The following SRGAP2C variants were observed in gnomAD, a reference collection of about 807,000 sequenced individuals.
SRGAP2C encodes SLIT-ROBO Rho GTPase activating protein 2C.
Under a neutral mutation model 25.1 loss-of-function variants are expected in SRGAP2C, and 15 were observed. The ratio of observed to expected loss-of-function variants is 0.60; its 90% CI spans 0.40 to 0.92. The LOEUF is 0.92. SRGAP2C is among the 40% of genes least tolerant of loss of function. The pLI, the probability that SRGAP2C is intolerant of heterozygous loss-of-function variation, is 0.00. For missense variants in SRGAP2C, 144 were observed against 264.4 expected, an observed-to-expected ratio of 0.54 and a Z score of 3.16; for synonymous variants, 44 against 96.6, an observed-to-expected ratio of 0.46 and a Z score of 3.19.
In SRGAP2C at chr1:121,354,969, G is replaced by A. The variant is rs1164042504; in HGVS notation, c.424-10324G>A. On this transcript the variant is annotated intron_variant, in intron 4 of 9. Coordinates refer to ENST00000367123, the MANE Select transcript of SRGAP2C (RefSeq NM_001329984.2). ...GGGGAATCACTTGAACCCAGGAGGC[G>A]GAGGTTGCAGTGAGCCGAGATGGCG... Among the ~76,000 whole-genome samples the A allele has an allele frequency of 2.3e-4, 12 of 51,526 alleles. 1 individual carries two copies. Among genetic ancestry groups the A allele is most frequent in the Middle Eastern group, 0.011 (2 of 180 alleles). The allele number at this position is 51,526 out of a possible 152,430, so 33.8% of individuals were successfully genotyped here. A position where few individuals can be genotyped will look rare whatever the true frequency, so the allele number is the denominator to read the frequency against.
intron 2 of SRGAP2C, among the ~76,000 whole-genome samples, chr1:121,278,021 G>A (rs1180652745): frequency 3.4e-5 from 5 of 148,938 alleles, no homozygotes; most frequent in East Asian, 4.0e-4. Flanking sequence ...GCTCACTGTG[G>A]CCTTGACCTC....
At chr1:121,314,447 A>T (rs1658047260) in intron 3 of SRGAP2C, among the ~76,000 whole-genome samples, 1 of 152,218 alleles carries the variant, frequency 6.6e-6, no homozygotes, top group South Asian at 2.1e-4. Flanking sequence ...TTCTCCATCC[A>T]TCTTTGTTCC....
At chr1:121,335,340 CAAAAAATAAATA>C (rs1658488304) in intron 4 of SRGAP2C, among the ~76,000 whole-genome samples, 9 of 118,642 alleles carry the variant, frequency 7.6e-5, no homozygotes, top group African/African-American at 3.0e-4. Flanking sequence ...GACTCCATCT[CAAAAAATAAATA>C]AATAAATAAA....
At chr1:121,207,362 G>A (rs1327257581) in intron 2 of SRGAP2C, among the ~76,000 whole-genome samples, 5 of 151,310 alleles carry the variant, frequency 3.3e-5, no homozygotes, top group Non-Finnish European at 7.4e-5. Flanking sequence ...TTGGTTGGAG[G>A]CCCCTTATGA....
At chr1:121,225,829 C>G (rs1206835181) in intron 2 of SRGAP2C, among the ~76,000 whole-genome samples, 1 of 143,488 alleles carries the variant, frequency 7.0e-6, no homozygotes, top group African/African-American at 2.6e-5. Context: ...CTCAGCCTCC[C>G]GAGTAGCTGG....
intron 3 of SRGAP2C, among the ~76,000 whole-genome samples, chr1:121,297,593 A>C (rs1214896312): frequency 6.6e-6 from 1 of 151,242 alleles, no homozygotes; most frequent in Non-Finnish European, 1.5e-5. Flanking sequence ...ATGCTCAATA[A>C]ATGGTAGCTG....
rs374174075 is a variant in SRGAP2C, at chr1:121,391,578, G to A, written c.*3723G>A. The A allele has an allele frequency of 6.8e-6, 1 of 146,940 alleles. No individual in the cohort carries two copies. The highest frequency in any genetic ancestry group is 1.5e-5 in the Non-Finnish European group (1 of 66,164). 9.1% of individuals were successfully genotyped at this position (146,940 alleles called of 1,614,324 possible). A position where few individuals can be genotyped will look rare whatever the true frequency, so the allele number is the denominator to read the frequency against. ...CTGTCAAAACATTAGCTTAACATTTGTTAAGGAAACAAAAAGACTTCGGTG... is the reference window on the plus strand; with the variant it reads ...CTGTCAAAACATTAGCTTAACATTTATTAAGGAAACAAAAAGACTTCGGTG... On this transcript the variant is annotated 3_prime_UTR_variant, in exon 10 of 10. Coordinates refer to ENST00000367123, the MANE Select transcript of SRGAP2C (RefSeq NM_001329984.2).
At chr1:121,297,556 C>T (rs1657623080) in intron 3 of SRGAP2C, among the ~76,000 whole-genome samples, 1 of 148,868 alleles carries the variant, frequency 6.7e-6, no homozygotes, top group Admixed American at 6.8e-5. Flanking sequence ...GTATATACAG[C>T]ACTAGCTAAT....
chr1:121,322,994 G>T (rs1265315193), intron 3 of SRGAP2C, among the ~76,000 whole-genome samples: 1 of 151,644 alleles, frequency 6.6e-6, no homozygotes, highest in African/African-American at 2.4e-5. Flanking sequence ...TGCAGTTATA[G>T]GCTTGGTTTG....
chr1:121,308,769 T>C (rs1164115291), intron 3 of SRGAP2C, among the ~76,000 whole-genome samples: 1 of 148,024 alleles, frequency 6.8e-6, no homozygotes, highest in African/African-American at 2.5e-5. Flanking sequence ...AGAAACCCTG[T>C]CTCTACTAAA....
At chr1:121,327,943 C>T (rs1658350241) in intron 4 of SRGAP2C, among the ~76,000 whole-genome samples, 2 of 152,230 alleles carry the variant, frequency 1.3e-5, no homozygotes, top group African/African-American at 2.4e-5. Flanking sequence ...ATGTGATCTC[C>T]ATGGTGCCTT....
At chr1:121,354,505 C>T (rs1659016460) in intron 4 of SRGAP2C, among the ~76,000 whole-genome samples, 1 of 141,356 alleles carries the variant, frequency 7.1e-6, no homozygotes, top group African/African-American at 2.6e-5. Context: ...TCAAGCAGTT[C>T]TCCCGCCTCA....
intron 4 of SRGAP2C, among the ~76,000 whole-genome samples, chr1:121,329,963 T>C (rs1172400657): frequency 6.6e-6 from 1 of 150,842 alleles, no homozygotes; most frequent in Non-Finnish European, 1.5e-5. Context: ...GCAAATATTA[T>C]TGCTGCCACC....
chr1:121,280,044 C>T (rs1657205844), intron 2 of SRGAP2C, among the ~76,000 whole-genome samples: 1 of 151,386 alleles, frequency 6.6e-6, no homozygotes, highest in African/African-American at 2.4e-5. Context: ...AATTCACATA[C>T]TGTAAAATTC....
intron 3 of SRGAP2C, among the ~76,000 whole-genome samples, chr1:121,305,056 C>G (rs1230348076): frequency 6.6e-6 from 1 of 150,510 alleles, no homozygotes; most frequent in African/African-American, 2.4e-5. Context: ...ACAAACCAAC[C>G]ATTTTCCCCT....
intron 2 of SRGAP2C, among the ~76,000 whole-genome samples, chr1:121,191,989 T>A (rs1167937898): frequency 6.6e-6 from 1 of 151,310 alleles, no homozygotes; most frequent in East Asian, 1.9e-4. Context: ...TGGAGCATTT[T>A]GATAGAAAAA....
intron 2 of SRGAP2C, among the ~76,000 whole-genome samples, chr1:121,208,192 C>T (rs1358077442): frequency 6.6e-6 from 1 of 152,174 alleles, no homozygotes; most frequent in African/African-American, 2.4e-5. Flanking sequence ...AGTGGACCAT[C>T]TCTTGGTGTT....
At chr1:121,322,168 A>T (rs1425430734) in intron 3 of SRGAP2C, among the ~76,000 whole-genome samples, 1 of 149,954 alleles carries the variant, frequency 6.7e-6, no homozygotes, top group Non-Finnish European at 1.5e-5. Flanking sequence ...CTTAAGAAAT[A>T]GATTGAAACC....
Position 121,390,940 on chromosome 1 carries a change from C to G in SRGAP2C, c.*3085C>G, listed in dbSNP as rs1471264945. 2 of 131,468 alleles carry G rather than the reference C, an allele frequency of 1.5e-5. No individual in the cohort carries two copies. Among genetic ancestry groups the G allele is most frequent in the Non-Finnish European group, 3.2e-5 (2 of 61,978 alleles). The allele number at this position is 131,468 out of a possible 1,614,324, so 8.1% of individuals were successfully genotyped here. A position where few individuals can be genotyped will look rare whatever the true frequency, so the allele number is the denominator to read the frequency against. On this transcript the variant is annotated 3_prime_UTR_variant, in exon 10 of 10. Transcript: ENST00000367123. ...CCTGTAATCCCAGCTACTCAGGAGG[C>G]TAAGGTGGGAGGATTACTTGAACTG...
Sources: allele counts gnomAD v4.1 joint callset (sites outside exome capture counted in the v4.1 genomes callset), GRCh38; gene constraint gnomAD v4.1.1; transcripts MANE v1.5; gene names NCBI Gene and HGNC (gene_info 2026-07-23, HGNC 2026-07-21).